The following MTUS2 variants were observed in gnomAD, a reference collection of about 807,000 sequenced individuals.
MTUS2 encodes microtubule associated scaffold protein 2.
A neutral mutation model predicts 114.1 loss-of-function variants in MTUS2; 40 were observed. That is an observed-to-expected ratio of 0.35 (90% CI 0.27 to 0.46). The LOEUF (loss-of-function observed/expected upper bound fraction) is 0.46. Ranked by LOEUF, MTUS2 falls within the 20% of genes least tolerant of loss-of-function variation. The pLI is 1.00. For synonymous variants in MTUS2, 688 were observed against 672.0 expected (o/e 1.02, Z -0.37); for missense variants, 1,679 against 1,705.4 (o/e 0.98, Z 0.27).
At chr13:29,370,374 A>T (rs1593360458) in intron 8 of MTUS2, among the ~76,000 whole-genome samples, 1 of 152,034 alleles carries the variant, frequency 6.6e-6, no homozygotes, top group African/African-American at 2.4e-5. Context: ...AGGCAGGAGG[A>T]TCACTTGAGC....
chr13:29,454,096 C>G (rs1878937758), intron 9 of MTUS2, among the ~76,000 whole-genome samples: 1 of 152,170 alleles, frequency 6.6e-6, no homozygotes. Flanking sequence ...CTTTTTCGGT[C>G]AAAGGACGTC....
chr13:29,200,521 G>GGTTTTTTTTTT (rs1309388936), intron 5 of MTUS2, among the ~76,000 whole-genome samples: 43 of 85,412 alleles, frequency 5.0e-4, no homozygotes, highest in African/African-American at 2.0e-3. Context: ...TTCTTTTTCT[G>GGTTTTTTTTTT]TTTTTTTTTT....
intron 2 of MTUS2, among the ~76,000 whole-genome samples, chr13:28,959,534 C>A (rs1359835485): frequency 9.0e-5 from 3 of 33,176 alleles, no homozygotes; most frequent in Non-Finnish European, 2.3e-4. Flanking sequence ...AGGCTGTACA[C>A]AAAGTATTAG....
intron 8 of MTUS2, among the ~76,000 whole-genome samples, chr13:29,379,717 G>A (rs943955141): frequency 1.3e-5 from 2 of 152,148 alleles, no homozygotes; most frequent in African/African-American, 4.8e-5. Context: ...AAAAACCCAG[G>A]AGAGAGCTTT....
At chr13:28,861,431 G>T (rs1338328422) in intron 2 of MTUS2, among the ~76,000 whole-genome samples, 6 of 106,974 alleles carry the variant, frequency 5.6e-5, no homozygotes, top group African/African-American at 2.1e-4. Flanking sequence ...CTGAGCCTCT[G>T]TTTTTTTCTT....
At chr13:29,015,565 G>A (rs192125066) in intron 2 of MTUS2, among the ~76,000 whole-genome samples, 12 of 152,298 alleles carry the variant, frequency 7.9e-5, no homozygotes, top group African/African-American at 2.4e-4. Context: ...GTGCATACCC[G>A]TTAACACAGG....
intron 5 of MTUS2, among the ~76,000 whole-genome samples, chr13:29,129,597 G>A (rs950821424): frequency 6.6e-6 from 1 of 151,314 alleles, no homozygotes; most frequent in Admixed American, 6.6e-5. Context: ...CATATTTATG[G>A]GGTACGTGTG....
chr13:29,484,760 C>T (rs1327018731), intron 10 of MTUS2: 1 of 152,222 alleles, frequency 6.6e-6, no homozygotes, highest in African/African-American at 2.4e-5. Flanking sequence ...ATGTAAAACA[C>T]ACGTTTCTTC....
At chr13:29,492,256 T>G (rs1882232066) in intron 11 of MTUS2, among the ~76,000 whole-genome samples, 1 of 147,080 alleles carries the variant, frequency 6.8e-6, no homozygotes, top group African/African-American at 2.5e-5. Flanking sequence ...TGTATGTGAT[T>G]GTGTGTGGTA....
At chr13:29,447,662 A>C (rs1878385899) in intron 9 of MTUS2, among the ~76,000 whole-genome samples, 2 of 127,590 alleles carry the variant, frequency 1.6e-5, no homozygotes, top group African/African-American at 6.0e-5. Flanking sequence ...TCCTCAACTC[A>C]CCCTCCATGG....
chr13:29,194,464 C>T (rs1178723536), intron 5 of MTUS2, among the ~76,000 whole-genome samples: 7 of 152,110 alleles, frequency 4.6e-5, no homozygotes, highest in African/African-American at 1.7e-4. Flanking sequence ...CAAAAGAAGA[C>T]ATTTTTGCAG....
chr13:28,862,940 A>G (rs1040204970), intron 2 of MTUS2, among the ~76,000 whole-genome samples: 1 of 152,184 alleles, frequency 6.6e-6, no homozygotes, highest in African/African-American at 2.4e-5. Context: ...TATTTCCCAA[A>G]TGTGCAAAAT....
chr13:29,175,802 G>C (rs1189730023), intron 5 of MTUS2, among the ~76,000 whole-genome samples: 1 of 151,378 alleles, frequency 6.6e-6, no homozygotes, highest in Non-Finnish European at 1.5e-5. Context: ...ACTCACAACA[G>C]AGGTTTGCTT....
intron 2 of MTUS2, among the ~76,000 whole-genome samples, chr13:28,939,920 G>T (rs1251997094): frequency 6.6e-6 from 1 of 152,124 alleles, no homozygotes; most frequent in Non-Finnish European, 1.5e-5. Context: ...TGTCTTACGT[G>T]GCGGCAGGCA....
chr13:29,206,513 T>C (rs1474684313), intron 5 of MTUS2, among the ~76,000 whole-genome samples: 1 of 152,238 alleles, frequency 6.6e-6, no homozygotes, highest in Non-Finnish European at 1.5e-5. Context: ...TTTTCTGATA[T>C]TATCTTCTAG....
At chr13:28,957,558 A>T (rs1883129635) in intron 2 of MTUS2, among the ~76,000 whole-genome samples, 1 of 152,192 alleles carries the variant, frequency 6.6e-6, no homozygotes, top group South Asian at 2.1e-4. Context: ...TAGCATTTAC[A>T]TTGTGTTGGG....
At chr13:29,216,717 G>A (rs971365569) in intron 5 of MTUS2, among the ~76,000 whole-genome samples, 2 of 152,188 alleles carry the variant, frequency 1.3e-5, no homozygotes, top group African/African-American at 2.4e-5. Context: ...CCAATGTGAT[G>A]AACCGGGTAT....
At chr13:29,114,497 ATAATAGTT>A (rs1428071301) in intron 5 of MTUS2, among the ~76,000 whole-genome samples, 4 of 152,252 alleles carry the variant, frequency 2.6e-5, no homozygotes, top group African/African-American at 9.6e-5. Flanking sequence ...GTGTCTAAAT[ATAATAGTT>A]TCACTCTATG....
At chr13:29,057,309 C>T (rs1046012477) in intron 4 of MTUS2, among the ~76,000 whole-genome samples, 1 of 152,102 alleles carries the variant, frequency 6.6e-6, no homozygotes, top group East Asian at 1.9e-4. Flanking sequence ...ATATGTTAGG[C>T]CCATTCAGTC....
Sources: allele counts gnomAD v4.1 joint callset (sites outside exome capture counted in the v4.1 genomes callset), GRCh38; gene constraint gnomAD v4.1.1; transcripts MANE v1.5; gene names NCBI Gene and HGNC (gene_info 2026-07-23, HGNC 2026-07-21).